The following FRYL variants were observed in gnomAD, a reference collection of about 807,000 sequenced individuals.
FRYL encodes the protein protein furry homolog-like.
In FRYL, 150 loss-of-function variants were observed where a neutral mutation model predicts 351.2. The observed-to-expected ratio is 0.43, with a 90% CI of 0.37 to 0.49. The LOEUF (loss-of-function observed/expected upper bound fraction) is 0.49, where lower values mean the gene tolerates loss of function less well. Among genes scored for constraint, FRYL ranks in the 20% least tolerant of loss-of-function variants. The pLI, the probability that FRYL is intolerant of heterozygous loss-of-function variation, is 0.00. For synonymous variants in FRYL, 1,153 were observed against 1,257.1 expected (o/e 0.92, Z 1.75); for missense variants, 3,036 against 3,619.3 (o/e 0.84, Z 4.13).
intron 2 of FRYL, among the ~76,000 whole-genome samples, chr4:48,694,088 G>A (rs1423254649): frequency 1.3e-5 from 2 of 151,984 alleles, no homozygotes; most frequent in Non-Finnish European, 2.9e-5. Flanking sequence ...CTGGTTTCTG[G>A]GTAGAAAATG....
intron 54 of FRYL, 73 bp downstream of exon 54, chr4:48,522,828 A>G (rs780917711): frequency 9.1e-7 from 1 of 1,103,362 alleles, no homozygotes; most frequent in Non-Finnish European, 1.4e-6. Context: ...TGCACAAGAA[A>G]TAATCATTAA....
intron 6 of FRYL, among the ~76,000 whole-genome samples, chr4:48,620,432 T>C (rs1286826288): frequency 2.6e-5 from 4 of 152,354 alleles, no homozygotes; most frequent in East Asian, 3.9e-4. Flanking sequence ...ATGAGTACTG[T>C]AGGGCTACAT....
At chr4:48,530,478 CA>C (rs1189478182) in intron 50 of FRYL, among the ~76,000 whole-genome samples, 1 of 152,114 alleles carries the variant, frequency 6.6e-6, no homozygotes, top group East Asian at 1.9e-4. Flanking sequence ...TCCTAAAATG[CA>C]AACCCTAATA....
rs149178426 is a variant in FRYL, at chr4:48,719,890, G to A, written c.-383-9192C>T. The stretch of plus-strand genomic sequence containing the variant: ...CTAAAGGCCGGGTGTGGTGGCTCAC[G>A]CCTGTAATCCCAGCACTTTGGGAGG... On this transcript the variant is annotated intron_variant, in intron 1 of 63. Coordinates refer to ENST00000358350, the MANE Select transcript of FRYL (RefSeq NM_015030.2). 3.5e-4 allele frequency among the ~76,000 whole-genome samples: 53 copies of A among 151,574 alleles called. No individual in the cohort carries two copies. The East Asian group carries it at 8.8e-3, about 25-fold the overall frequency.
chr4:48,560,903 A>G (rs1449707056), intron 33 of FRYL, among the ~76,000 whole-genome samples: 3 of 152,202 alleles, frequency 2.0e-5, no homozygotes, highest in African/African-American at 7.2e-5. Flanking sequence ...AATGAAATAA[A>G]GGACCCACAG....
chr4:48,501,755 T>G (rs762507165), intron 61 of FRYL, 22 bp from the exon 62 acceptor site: 1 of 1,302,460 alleles, frequency 7.7e-7, no homozygotes, highest in East Asian at 2.3e-5. Context: ...TAACATTACA[T>G]TAAATTTAGG....
At chr4:48,507,244 T>TA (rs751473350) in intron 59 of FRYL, among the ~76,000 whole-genome samples, 2 of 152,190 alleles carry the variant, frequency 1.3e-5, no homozygotes, top group African/African-American at 2.4e-5. Flanking sequence ...CCCAACCATA[T>TA]AGTCCTGTGG....
Position 48,605,778 on chromosome 4 carries a change from G to C in FRYL, c.797C>G (p.Ala266Gly). Residue 266 changes from alanine (A) to glycine (G), a missense_variant, in exon 11 of 64, where the codon GCT becomes GGT. Physicochemically the swap from Ala to Gly is moderately conservative, Grantham distance 60 (BLOSUM62 0). Around this residue, in one of 7 missense-constraint regions of FRYL, gnomAD observed 457 missense variants for 566.6 expected, o/e 0.81. Transcript: ENST00000358350. ...GATAAGAATCTCCACAAATAAACCA[G>C]CAAGTGCATGTTTTATATCTTTATC... ...VKDKDIKHAL[A>G]GLFVEILIPV... 1.2e-6 allele frequency: 2 copies of C among 1,608,976 alleles called. No homozygotes were observed. Among genetic ancestry groups the C allele is most frequent in the Non-Finnish European group, 1.7e-6 (2 of 1,176,378 alleles).
chr4:48,725,878 G>GA (rs1182783519), intron 1 of FRYL, among the ~76,000 whole-genome samples: 12 of 152,060 alleles, frequency 7.9e-5, no homozygotes, highest in African/African-American at 2.4e-4. Flanking sequence ...GTATGTATGG[G>GA]AAAAAAACAT....
chr4:48,592,082 T>TATATATATATATATATATATATA (rs888017807), intron 16 of FRYL, among the ~76,000 whole-genome samples: 40 of 116,196 alleles, frequency 3.4e-4, no homozygotes, highest in Middle Eastern at 3.9e-3. Flanking sequence ...AATAAAGCTC[T>TATATATATATATATATATATATA]TATATATATA....
At chr4:48,530,749 A>G (rs1447393963) in intron 50 of FRYL, among the ~76,000 whole-genome samples, 8 of 152,050 alleles carry the variant, frequency 5.3e-5, no homozygotes, top group African/African-American at 1.7e-4. Context: ...CCCCTCCCCA[A>G]ACTGCCATAG....
chr4:48,593,086 G>T (rs1240106181), intron 16 of FRYL, among the ~76,000 whole-genome samples: 2 of 152,040 alleles, frequency 1.3e-5, no homozygotes, highest in Admixed American at 6.5e-5. Context: ...GACCATGGAA[G>T]CAGGATATAA....
At chr4:48,639,668 A>T (rs1754951509) in intron 3 of FRYL, among the ~76,000 whole-genome samples, 1 of 152,082 alleles carries the variant, frequency 6.6e-6, no homozygotes, top group African/African-American at 2.4e-5. Flanking sequence ...AGGGAAAAAA[A>T]TTATTAAAAT....
In FRYL at chr4:48,604,820, C is replaced by T. The variant is rs149702870; in HGVS notation, c.834+921G>A. ...TATGGTATAAAAGAATCAGGCAACA[C>T]GATGATAATGGACCATTGTCAAGTG... On this transcript the variant is annotated intron_variant, in intron 11 of 63. Coordinates refer to ENST00000358350, the MANE Select transcript of FRYL (RefSeq NM_015030.2). 6.9e-3 allele frequency among the ~76,000 whole-genome samples: 1,043 copies of T among 152,182 alleles called. 8 individuals carry two copies. Among genetic ancestry groups the T allele is most frequent in the Non-Finnish European group, 0.011 (768 of 68,012 alleles).
intron 1 of FRYL, among the ~76,000 whole-genome samples, chr4:48,747,504 A>C (rs988830555): frequency 3.3e-5 from 5 of 152,250 alleles, no homozygotes; most frequent in Admixed American, 3.3e-4. Context: ...ATGAATTCAT[A>C]ATCTATTTCT....
chr4:48,588,117 C>A (rs1742521274), intron 18 of FRYL, among the ~76,000 whole-genome samples: 1 of 152,194 alleles, frequency 6.6e-6, no homozygotes, highest in Non-Finnish European at 1.5e-5. Context: ...CAAGGTGCAT[C>A]TGTTATTCAG....
At chr4:48,574,297 T>C (rs938381586) in intron 25 of FRYL, among the ~76,000 whole-genome samples, 1 of 152,216 alleles carries the variant, frequency 6.6e-6, no homozygotes, top group African/African-American at 2.4e-5. Flanking sequence ...TTATTTTAAG[T>C]TGAGATCACT....
At chr4:48,580,693 G>A in intron 22 of FRYL, 172 bp downstream of exon 22, 2 of 483,104 alleles carry the variant, frequency 4.1e-6, no homozygotes, top group Non-Finnish European at 7.3e-6. Flanking sequence ...AAGTATAAAT[G>A]AATGTCACTT....
intron 3 of FRYL, among the ~76,000 whole-genome samples, chr4:48,644,535 G>T (rs1755998600): frequency 6.7e-6 from 1 of 148,482 alleles, no homozygotes; most frequent in Non-Finnish European, 1.5e-5. Context: ...TGCATTCCAG[G>T]GTAAGAATTC....
Sources: allele counts gnomAD v4.1 joint callset (sites outside exome capture counted in the v4.1 genomes callset), GRCh38; gene constraint gnomAD v4.1.1; regional missense constraint gnomAD v4.1.1; transcripts MANE v1.5; gene names NCBI Gene and HGNC (gene_info 2026-07-23, HGNC 2026-07-21).